The following NRG3 variants were observed in gnomAD, a reference collection of about 807,000 sequenced individuals.
The protein encoded by NRG3 is pro-neuregulin-3, membrane-bound isoform.
In NRG3, 31 loss-of-function variants were observed where a neutral mutation model predicts 66.9. That is an observed-to-expected ratio of 0.46 (90% CI 0.35 to 0.63). The LOEUF is 0.63. Ranked by LOEUF, NRG3 falls within the 20% of genes least tolerant of loss-of-function variation. NRG3 has a pLI of 0.00. For missense variants in NRG3, 910 were observed against 878.9 expected, an observed-to-expected ratio of 1.04 and a Z score of -0.45; for synonymous variants, 393 against 359.4, an observed-to-expected ratio of 1.09 and a Z score of -1.06.
At chr10:82,415,561 G>T (rs1411383590) in intron 2 of NRG3, among the ~76,000 whole-genome samples, 1 of 152,148 alleles carries the variant, frequency 6.6e-6, no homozygotes. Context: ...TGATTTTGAT[G>T]TACAGAGTTT....
At chr10:82,702,531 A>G (rs1466343489) in intron 2 of NRG3, among the ~76,000 whole-genome samples, 1 of 152,220 alleles carries the variant, frequency 6.6e-6, no homozygotes, top group African/African-American at 2.4e-5. Context: ...CTACTATGTA[A>G]CTGAGAAACA....
chr10:81,903,996 A>T (rs11191746), intron 1 of NRG3, among the ~76,000 whole-genome samples: 7,214 of 91,506 alleles, frequency 0.079, 232 homozygotes, highest in Non-Finnish European at 0.097. Context: ...ATATATATAT[A>T]TTTTTTTTTT....
intron 1 of NRG3, among the ~76,000 whole-genome samples, chr10:82,071,777 G>A (rs2064819208): frequency 6.6e-6 from 1 of 152,192 alleles, no homozygotes; most frequent in South Asian, 2.1e-4. Flanking sequence ...TGGAGCCAAG[G>A]AGACCATTTA....
intron 2 of NRG3, among the ~76,000 whole-genome samples, chr10:82,732,560 T>C (rs1016193067): frequency 6.6e-6 from 1 of 152,178 alleles, no homozygotes; most frequent in Non-Finnish European, 1.5e-5. Flanking sequence ...GTAATATACT[T>C]AACCTTTCTC....
At chr10:82,902,838 G>A (rs1248599822) in intron 4 of NRG3, among the ~76,000 whole-genome samples, 6 of 151,998 alleles carry the variant, frequency 3.9e-5, no homozygotes, top group Admixed American at 2.6e-4. Context: ...AGATCTTTGA[G>A]TTTTTGGGTT....
At chr10:82,022,082 T>G (rs1198464581) in intron 1 of NRG3, among the ~76,000 whole-genome samples, 1 of 152,064 alleles carries the variant, frequency 6.6e-6, no homozygotes, top group Non-Finnish European at 1.5e-5. Flanking sequence ...ACACATCTGT[T>G]AAAATTTTAT....
intron 1 of NRG3, among the ~76,000 whole-genome samples, chr10:81,978,822 T>C (rs1340916839): frequency 6.6e-6 from 1 of 152,120 alleles, no homozygotes; most frequent in Non-Finnish European, 1.5e-5. Flanking sequence ...TCCAAAAACA[T>C]TGGGATTATA....
intron 2 of NRG3, among the ~76,000 whole-genome samples, chr10:82,407,197 G>T (rs2087586632): frequency 1.3e-5 from 2 of 151,920 alleles, no homozygotes; most frequent in South Asian, 4.2e-4. Flanking sequence ...TCCATCATTA[G>T]ACATAAATGA....
chr10:82,594,031 A>G (rs753607988), intron 2 of NRG3, among the ~76,000 whole-genome samples: 35 of 152,126 alleles, frequency 2.3e-4, no homozygotes, highest in Non-Finnish European at 4.7e-4. Context: ...CAGACTCAGG[A>G]CACATTTGAT....
chr10:82,884,845 T>A (rs1463245192), intron 4 of NRG3, among the ~76,000 whole-genome samples: 2 of 152,214 alleles, frequency 1.3e-5, no homozygotes, highest in African/African-American at 4.8e-5. Flanking sequence ...GTCTGACCAA[T>A]GAAAAGATGG....
intron 7 of NRG3, among the ~76,000 whole-genome samples, chr10:82,976,045 T>C (rs1852218937): frequency 6.6e-6 from 1 of 152,140 alleles, no homozygotes; most frequent in African/African-American, 2.4e-5. Context: ...TATAAGTCAC[T>C]TATCTTTTTT....
chr10:82,672,638 AAAAACAAAACAAATC>A (rs960187088), intron 2 of NRG3, among the ~76,000 whole-genome samples: 70 of 152,322 alleles, frequency 4.6e-4, no homozygotes, highest in Admixed American at 7.2e-4. Flanking sequence ...TTGACAAGGG[AAAAACAAAACAAATC>A]AAAACAAAAC....
chr10:81,945,028 A>G (rs75066289), intron 1 of NRG3, among the ~76,000 whole-genome samples: 4 of 151,250 alleles, frequency 2.6e-5, no homozygotes, highest in African/African-American at 7.3e-5. Flanking sequence ...TCTCATTTCT[A>G]CCTCCCCCAG....
At chr10:81,910,306 AAGATATTTGCAAGAAGGT>A (rs1845007578) in intron 1 of NRG3, among the ~76,000 whole-genome samples, 1 of 152,216 alleles carries the variant, frequency 6.6e-6, no homozygotes, top group Non-Finnish European at 1.5e-5. Flanking sequence ...TCAGGGCAGG[AAGATATTTGCAAGAAGGT>A]AGCAAACCCC....
At chr10:82,216,511 C>T (rs1203349650) in intron 1 of NRG3, among the ~76,000 whole-genome samples, 1 of 142,994 alleles carries the variant, frequency 7.0e-6, no homozygotes, top group Non-Finnish European at 1.5e-5. Context: ...CATATACACA[C>T]ACATATATGC....
At chr10:81,925,779 A>G (rs944969610) in intron 1 of NRG3, among the ~76,000 whole-genome samples, 6 of 152,028 alleles carry the variant, frequency 3.9e-5, no homozygotes, top group African/African-American at 1.4e-4. Flanking sequence ...CTTGATTGAC[A>G]GATGGATTCC....
At chr10:82,566,253 T>G (rs760051664) in intron 2 of NRG3, among the ~76,000 whole-genome samples, 28 of 152,092 alleles carry the variant, frequency 1.8e-4, no homozygotes, top group African/African-American at 2.7e-4. Context: ...GCTTGTTAAG[T>G]GTTCAATAGA....
At position 81,875,831 on chromosome 10, in the gene NRG3, C is replaced by G; in HGVS notation, c.491C>G (p.Ala164Gly). 1 of 1,608,986 alleles carries G rather than the reference C, an allele frequency of 6.2e-7. No homozygotes were observed. ...ACTCGCCTGACCACCATCACGCGGG[C>G]GCCCACTCGCTTCCCCGGGCACCGG... ...ISTRLTTITR[A>G]PTRFPGHRVP... Residue 164 changes from alanine (A) to glycine (G), a missense_variant, in exon 1 of 9, where the codon GCG (alanine) becomes GGG (glycine). Ala to Gly is a moderately conservative substitution (Grantham distance 60). Transcript: ENST00000372141. This position sits in a 1 kb window ranked among gnomAD's most constrained non-coding sequence, Gnocchi z 5.3.
chr10:82,393,308 C>G (rs2086508694), intron 2 of NRG3, among the ~76,000 whole-genome samples: 1 of 152,088 alleles, frequency 6.6e-6, no homozygotes, highest in African/African-American at 2.4e-5. Context: ...GTGGCTCTGA[C>G]TTCTCATCTC....
Sources: gnomAD v4.1 joint callset for allele counts (sites outside exome capture counted in the v4.1 genomes callset) on GRCh38, gnomAD v4.1.1 for gene constraint, Gnocchi (gnomAD v3.1) non-coding constraint, MANE v1.5 for transcripts, NCBI Gene and HGNC (gene_info 2026-07-23, HGNC 2026-07-21) for gene names.